EPB41L5: variants seen among roughly 807,000 people sequenced by gnomAD.
The protein encoded by EPB41L5 is erythrocyte membrane protein band 4.1 like 5.
Under a neutral mutation model 106.6 loss-of-function variants are expected in EPB41L5, and 55 were observed. That is an observed-to-expected ratio of 0.52 (90% CI 0.42 to 0.65). The LOEUF is 0.65. Ranked by LOEUF, EPB41L5 falls within the 30% of genes least tolerant of loss-of-function variation. The pLI is 0.00. For missense variants in EPB41L5, 871 were observed against 882.1 expected, an observed-to-expected ratio of 0.99 and a Z score of 0.16; for synonymous variants, 297 against 306.7, an observed-to-expected ratio of 0.97 and a Z score of 0.33.
chr2:120,027,577 T>C (rs1678413195), intron 2 of EPB41L5, among the ~76,000 whole-genome samples: 1 of 152,090 alleles, frequency 6.6e-6, no homozygotes, highest in Non-Finnish European at 1.5e-5. Context: ...TATATGGACT[T>C]TCTTTTTTTT....
At chr2:120,016,882 C>G (rs1343707125) in intron 1 of EPB41L5, among the ~76,000 whole-genome samples, 2 of 152,146 alleles carry the variant, frequency 1.3e-5, no homozygotes, top group Admixed American at 1.3e-4. Flanking sequence ...AAAAAAAAAT[C>G]TGGAGAAAGA....
chr2:120,062,660 T>C (rs1681163429), intron 3 of EPB41L5, among the ~76,000 whole-genome samples: 1 of 152,236 alleles, frequency 6.6e-6, no homozygotes, highest in Non-Finnish European at 1.5e-5. Flanking sequence ...GAAAATGCTG[T>C]ATTATGAATA....
chr2:120,041,547 C>G (rs924803883), intron 2 of EPB41L5, among the ~76,000 whole-genome samples: 1 of 152,174 alleles, frequency 6.6e-6, no homozygotes, highest in African/African-American at 2.4e-5. Context: ...TCTTCTGCAT[C>G]AAGCCTTCAT....
chr2:120,171,366 T>C (rs1687665587), intron 24 of EPB41L5, among the ~76,000 whole-genome samples: 1 of 152,180 alleles, frequency 6.6e-6, no homozygotes, highest in Non-Finnish European at 1.5e-5. Context: ...TGGGGATTGG[T>C]TGAAAGTATT....
intron 3 of EPB41L5, among the ~76,000 whole-genome samples, chr2:120,048,710 C>G (rs528951487): frequency 6.6e-6 from 1 of 152,136 alleles, no homozygotes; most frequent in African/African-American, 2.4e-5. Context: ...AATGTGTTTG[C>G]TCTTGCTTCT....
At chr2:120,152,000 G>C (rs1476181644) in intron 20 of EPB41L5, among the ~76,000 whole-genome samples, 1 of 152,104 alleles carries the variant, frequency 6.6e-6, no homozygotes, top group Non-Finnish European at 1.5e-5. Flanking sequence ...CTTATTTCCA[G>C]TTGGGAAGTT....
At chr2:120,153,112 C>A (rs547756302) in intron 20 of EPB41L5, among the ~76,000 whole-genome samples, 1 of 152,158 alleles carries the variant, frequency 6.6e-6, no homozygotes, top group South Asian at 2.1e-4. Flanking sequence ...ATTTTAAGAT[C>A]TTATTTTTAA....
rs1004493109 is a variant in EPB41L5, at chr2:120,019,818, T to C, written c.180+554T>C. On this transcript the variant is annotated intron_variant, in intron 2 of 24. Coordinates refer to ENST00000263713, the MANE Select transcript of EPB41L5 (RefSeq NM_020909.4). ...CCCTCAGCTCTGACTGCCTGTCTCT[T>C]TGCTCCTGAAGTATTTTGCATTGTA... is the stretch of plus-strand genomic sequence containing the variant. 2.6e-4 allele frequency among the ~76,000 whole-genome samples: 40 copies of C among 152,200 alleles called. 1 individual carries two copies. The highest frequency in any genetic ancestry group is 7.7e-4 in the African/African-American group (32 of 41,442).
intron 3 of EPB41L5, among the ~76,000 whole-genome samples, chr2:120,057,059 A>G (rs1337656994): frequency 6.6e-6 from 1 of 151,838 alleles, no homozygotes; most frequent in Non-Finnish European, 1.5e-5. Context: ...ACGCCTGGCT[A>G]ATTCTTTATT....
chr2:120,115,319 T>A (rs1684897689), intron 16 of EPB41L5, among the ~76,000 whole-genome samples: 1 of 152,238 alleles, frequency 6.6e-6, no homozygotes, highest in African/African-American at 2.4e-5. Flanking sequence ...TCTTTTTTTG[T>A]TTCTCACTTC....
intron 16 of EPB41L5, among the ~76,000 whole-genome samples, chr2:120,123,140 A>G (rs967579855): frequency 2.0e-5 from 3 of 151,926 alleles, no homozygotes; most frequent in African/African-American, 7.3e-5. Context: ...TTCATTGCAG[A>G]CAAAGTTTTG....
intron 16 of EPB41L5, chr2:120,104,989 A>G: frequency 1.0e-6 from 1 of 984,830 alleles, no homozygotes; most frequent in Non-Finnish European, 1.2e-6. Flanking sequence ...AAACATATTT[A>G]CTTTGTCTTT....
rs150507432 is a variant in EPB41L5, at chr2:120,114,479, T to C, written c.1338-13209T>C. On this transcript the variant is annotated intron_variant, in intron 16 of 24. Transcript: ENST00000263713. ...GTAAGTGTTCTGAGCACAGTTAATGTAGGCTCGGGTAAGCTATAATGCTCT... is the reference window on the plus strand; with the variant it reads ...GTAAGTGTTCTGAGCACAGTTAATGCAGGCTCGGGTAAGCTATAATGCTCT... Among the ~76,000 whole-genome samples, 715 of 152,304 alleles carry C rather than the reference T, an allele frequency of 4.7e-3. 27 individuals are homozygous for C. The highest frequency in any genetic ancestry group is 0.041 in the Admixed American group (625 of 15,308).
At chr2:120,056,673 C>CT (rs57767473) in intron 3 of EPB41L5, among the ~76,000 whole-genome samples, 142,661 of 144,978 alleles carry the variant, frequency 0.98, 70,188 homozygotes, top group East Asian at 0.99. Flanking sequence ...TTTCTTGTGA[C>CT]TTTTTTTTTT....
intron 16 of EPB41L5, chr2:120,104,862 A>G (rs1213866207): frequency 1.0e-6 from 1 of 974,292 alleles, no homozygotes; most frequent in Non-Finnish European, 1.2e-6. Context: ...GCTCATGTAT[A>G]GAGAAATCTG....
rs999368174 is a variant in EPB41L5 at position 120,177,092 on chromosome 2, C to A, written c.*2185C>A. ...TAAATGCGTGTTGGGGATTGGTTTCCTGTCATAGCTGCTGCTGCTGCCATG... is the reference window on the plus strand; with the variant it reads ...TAAATGCGTGTTGGGGATTGGTTTCATGTCATAGCTGCTGCTGCTGCCATG... On this transcript the variant is annotated 3_prime_UTR_variant, in exon 25 of 25. Coordinates refer to ENST00000263713, the MANE Select transcript of EPB41L5 (RefSeq NM_020909.4). 1 of 152,236 alleles carries A rather than the reference C, an allele frequency of 6.6e-6. No homozygotes were observed. 9.4% of individuals were successfully genotyped at this position (152,236 alleles called of 1,614,324 possible). A position where few individuals can be genotyped will look rare whatever the true frequency, so the allele number is the denominator to read the frequency against.
At chr2:120,168,115 C>G in intron 24 of EPB41L5, 108 bp downstream of exon 24, 1 of 1,293,144 alleles carries the variant, frequency 7.7e-7, no homozygotes, top group Non-Finnish European at 1.0e-6. Flanking sequence ...CCTAACTGAA[C>G]TATATTGAAA....
intron 3 of EPB41L5, among the ~76,000 whole-genome samples, chr2:120,070,385 C>T (rs947985152): frequency 2.1e-4 from 32 of 152,114 alleles, no homozygotes; most frequent in Admixed American, 1.3e-3. Flanking sequence ...GATTCACAGC[C>T]GAATTCTACC....
intron 5 of EPB41L5, chr2:120,074,539 A>C (rs977154665): frequency 3.6e-5 from 6 of 166,168 alleles, no homozygotes; most frequent in African/African-American, 1.2e-4. Context: ...AGTTTATTCA[A>C]ATTGGCGCCC....
Sources: allele counts gnomAD v4.1 joint callset (sites outside exome capture counted in the v4.1 genomes callset), GRCh38; gene constraint gnomAD v4.1.1; transcripts MANE v1.5; gene names NCBI Gene and HGNC (gene_info 2026-07-23, HGNC 2026-07-21).